The following GHR variants were observed in gnomAD, a reference collection of about 807,000 sequenced individuals.
GHR encodes the protein GH receptor.
GHR carries 35 observed loss-of-function variants against 67.1 expected under a neutral mutation model. The ratio of observed to expected loss-of-function variants is 0.52; its 90% confidence interval spans 0.40 to 0.69. GHR has a LOEUF of 0.69. GHR is among the 30% of genes least tolerant of loss of function. GHR has a pLI of 0.00. For synonymous variants in GHR, 272 were observed against 269.1 expected, an observed-to-expected ratio of 1.01 and a Z score of -0.10; for missense variants, 792 against 764.6, an observed-to-expected ratio of 1.04 and a Z score of -0.42.
chr5:42,646,886 T>C (rs1485052890), intron 3 of GHR, among the ~76,000 whole-genome samples: 7 of 152,208 alleles, frequency 4.6e-5, no homozygotes, highest in African/African-American at 1.7e-4. Flanking sequence ...CTTGCATACT[T>C]TCTCATATTG....
chr5:42,619,465 G>A (rs1045516766), intron 2 of GHR, among the ~76,000 whole-genome samples: 3 of 151,982 alleles, frequency 2.0e-5, no homozygotes, highest in African/African-American at 4.8e-5. Context: ...CATCTTCCCA[G>A]CTGCCTGACA....
chr5:42,694,386 G>A (rs551204763), intron 4 of GHR, among the ~76,000 whole-genome samples: 27 of 152,194 alleles, frequency 1.8e-4, no homozygotes, highest in African/African-American at 6.3e-4. Flanking sequence ...GAAATTAGGG[G>A]ACCACATCTT....
chr5:42,547,072 ATAT>A (rs1561112114), intron 1 of GHR, among the ~76,000 whole-genome samples: 2 of 151,500 alleles, frequency 1.3e-5, no homozygotes, highest in Non-Finnish European at 2.9e-5. Flanking sequence ...ATTTCAAAAC[ATAT>A]TAGCCACAAT....
Position 42,718,704 on chromosome 5 carries a change from C to T in GHR, c.1197C>T (p.Phe399=). 1 of 1,614,180 alleles carries T rather than the reference C, an allele frequency of 6.2e-7. No individual in the cohort carries two copies. The highest frequency in any genetic ancestry group is 8.5e-7 in the Non-Finnish European group (1 of 1,180,032). ...AACCTGACATTCTGGAGACTGATTT[C>T]AATGCCAATGACATACATGAGGGTA... The part of the protein sequence containing the change: ...CCEPDILETD[F]NANDIHEGTS... Residue 399 remains phenylalanine (F), a synonymous_variant, in exon 10 of 10, where the codon TTC becomes TTT. Coordinates refer to ENST00000230882, the MANE Select transcript of GHR (RefSeq NM_000163.5).
chr5:42,550,692 T>G (rs1258260896), intron 1 of GHR, among the ~76,000 whole-genome samples: 1 of 152,094 alleles, frequency 6.6e-6, no homozygotes, highest in Non-Finnish European at 1.5e-5. Context: ...GGAGTTTGAA[T>G]GGGGATGCTG....
intron 2 of GHR, among the ~76,000 whole-genome samples, chr5:42,616,908 T>C (rs1580062559): frequency 6.6e-6 from 1 of 151,954 alleles, no homozygotes; most frequent in East Asian, 1.9e-4. Flanking sequence ...ATATAAGAAA[T>C]AAGAAGGGAC....
intron 6 of GHR, among the ~76,000 whole-genome samples, chr5:42,707,945 GA>G (rs1758261764): frequency 6.6e-6 from 1 of 151,918 alleles, no homozygotes; most frequent in African/African-American, 2.4e-5. Context: ...GAAAATATTA[GA>G]CTACTTTAAA....
At chr5:42,604,535 C>A (rs1752528456) in intron 2 of GHR, among the ~76,000 whole-genome samples, 1 of 152,000 alleles carries the variant, frequency 6.6e-6, no homozygotes. Flanking sequence ...CTGTTGCCTG[C>A]CTTATGGAGA....
chr5:42,618,323 G>A (rs891506488), intron 2 of GHR, among the ~76,000 whole-genome samples: 1 of 152,142 alleles, frequency 6.6e-6, no homozygotes, highest in Non-Finnish European at 1.5e-5. Flanking sequence ...TCAAGTATGT[G>A]AGGGGAGCTG....
rs1389204041 is a variant in GHR at position 42,721,677 on chromosome 5, A to G, written c.*2253A>G. On this transcript the variant is annotated 3_prime_UTR_variant, in exon 10 of 10. Coordinates refer to ENST00000230882, the MANE Select transcript of GHR (RefSeq NM_000163.5). ...TAGCCAAAAATAGCTAAATACCTCA[A>G]TCAGTCTCAGAATGTCATTTTGGTA... 2.6e-5 allele frequency: 4 copies of G among 152,638 alleles called. No homozygotes were observed. The highest frequency in any genetic ancestry group is 9.6e-5 in the African/African-American group (4 of 41,470). 9.5% of individuals were successfully genotyped at this position (152,638 alleles called of 1,614,324 possible).
intron 2 of GHR, among the ~76,000 whole-genome samples, chr5:42,624,667 C>A (rs76572924): frequency 0.017 from 2,569 of 152,204 alleles, 35 homozygotes; most frequent in Non-Finnish European, 0.025. Flanking sequence ...TTTTGATTAA[C>A]TTAATTTTTT....
At chr5:42,579,564 A>G (rs4283797) in intron 2 of GHR, among the ~76,000 whole-genome samples, 152,134 of 152,310 alleles carry the variant, frequency 1, 75,980 homozygotes, top group Middle Eastern at 1. Flanking sequence ...TATGGGAAAT[A>G]CAACAACTTA....
intron 6 of GHR, among the ~76,000 whole-genome samples, chr5:42,703,069 C>T (rs756709679): frequency 4.6e-5 from 7 of 152,070 alleles, no homozygotes; most frequent in Non-Finnish European, 7.4e-5. Context: ...CATGTAATCC[C>T]GTTTATCTAT....
At chr5:42,488,867 A>G (rs1745993884) in intron 1 of GHR, among the ~76,000 whole-genome samples, 1 of 152,156 alleles carries the variant, frequency 6.6e-6, no homozygotes, top group Non-Finnish European at 1.5e-5. Flanking sequence ...TACTCTTCAC[A>G]ATAACCCTAT....
chr5:42,543,625 C>G (rs1484865666), intron 1 of GHR, among the ~76,000 whole-genome samples: 2 of 152,090 alleles, frequency 1.3e-5, no homozygotes, highest in Admixed American at 6.6e-5. Flanking sequence ...GGTAATCTGC[C>G]TCTTATTTTA....
chr5:42,668,823 G>A (rs1333228844), intron 3 of GHR, among the ~76,000 whole-genome samples: 3 of 152,006 alleles, frequency 2.0e-5, no homozygotes, highest in African/African-American at 7.2e-5. Flanking sequence ...TAAGCCTGTT[G>A]TAAATTTAAA....
At chr5:42,617,149 A>G (rs534451549) in intron 2 of GHR, among the ~76,000 whole-genome samples, 6 of 151,864 alleles carry the variant, frequency 4.0e-5, no homozygotes, top group African/African-American at 1.4e-4. Flanking sequence ...TTAGAAAGAG[A>G]AATGTCTGTT....
At chr5:42,513,497 C>T (rs1421091719) in intron 1 of GHR, among the ~76,000 whole-genome samples, 2 of 152,128 alleles carry the variant, frequency 1.3e-5, no homozygotes, top group African/African-American at 4.8e-5. Flanking sequence ...TGATAAAAGG[C>T]TTAGCAGGGG....
chr5:42,673,956 A>T (rs778806131), intron 3 of GHR, among the ~76,000 whole-genome samples: 5 of 152,202 alleles, frequency 3.3e-5, no homozygotes, highest in Non-Finnish European at 5.9e-5. Flanking sequence ...AAGGATAGAA[A>T]CTAGTCATCA....
Sources: allele counts gnomAD v4.1 joint callset (sites outside exome capture counted in the v4.1 genomes callset), GRCh38; gene constraint gnomAD v4.1.1; transcripts MANE v1.5; gene names NCBI Gene and HGNC (gene_info 2026-07-23, HGNC 2026-07-21).